Variants in RPSA2 observed in about 807,000 individuals in gnomAD.
RPSA2 encodes small ribosomal subunit protein uS2B.
chr19:23,818,460 C>G, the RPSA2 span: 1 of 152,494 alleles, frequency 6.6e-6, no homozygotes, highest in Admixed American at 6.5e-5. Context: ...TTTTAGACAG[C>G]AATTAGTTAG....
At chr19:23,857,212 T>C in the RPSA2 span, among the ~76,000 whole-genome samples, 61 of 152,152 alleles carry the variant, frequency 4.0e-4, no homozygotes, top group African/African-American at 1.4e-3. Context: ...AAACACACGT[T>C]TTACAATCAA....
At chr19:23,790,055 A>C in the RPSA2 span, among the ~76,000 whole-genome samples, 1 of 152,070 alleles carries the variant, frequency 6.6e-6, no homozygotes, top group Non-Finnish European at 1.5e-5. Flanking sequence ...GCTGGAGTGC[A>C]GTGGCATGAT....
At chr19:23,866,513 G>GGCCCC in the RPSA2 span, among the ~76,000 whole-genome samples, 1 of 142,284 alleles carries the variant, frequency 7.0e-6, no homozygotes, top group African/African-American at 2.6e-5. Flanking sequence ...ACAATGTGGT[G>GGCCCC]CCCCCCCCCG....
the RPSA2 span, chr19:23,832,131 A>G: frequency 2.3e-6 from 1 of 425,886 alleles, no homozygotes; most frequent in Non-Finnish European, 4.7e-6. Context: ...CTGAAGAAAA[A>G]CTTTACAGAT....
At chr19:23,858,436 T>C in the RPSA2 span, among the ~76,000 whole-genome samples, 1 of 152,224 alleles carries the variant, frequency 6.6e-6, no homozygotes, top group African/African-American at 2.4e-5. Context: ...GAGTTTGCTG[T>C]CTTGCTTATT....
chr19:23,854,064 T>C, the RPSA2 span, among the ~76,000 whole-genome samples: 3 of 152,206 alleles, frequency 2.0e-5, no homozygotes, highest in African/African-American at 7.2e-5. Context: ...GGGCCCCGTG[T>C]CTTATCTCCT....
the RPSA2 span, among the ~76,000 whole-genome samples, chr19:23,826,051 C>A: frequency 6.8e-6 from 1 of 146,208 alleles, no homozygotes; most frequent in East Asian, 2.0e-4. Context: ...CAAAATTTAC[C>A]ACAAAATATT....
chr19:23,810,409 AAAAAAAAAAAAGGG>A, the RPSA2 span, among the ~76,000 whole-genome samples: 9 of 5,914 alleles, frequency 1.5e-3, 1 homozygote, highest in South Asian at 0.38. Flanking sequence ...AAAAAAAAAA[AAAAAAAAAAAAGGG>A]AAAAGGGCTT....
the RPSA2 span, among the ~76,000 whole-genome samples, chr19:23,813,232 C>CAAA: frequency 0.84 from 101,330 of 120,912 alleles, 42,550 homozygotes; most frequent in East Asian, 0.97. Context: ...GACCCTGTCT[C>CAAA]AAAAAAAAAA....
At chr19:23,779,987 C>T in the RPSA2 span, among the ~76,000 whole-genome samples, 3 of 152,188 alleles carry the variant, frequency 2.0e-5, no homozygotes, top group Non-Finnish European at 4.4e-5. Context: ...TGACGTCGCT[C>T]TCCTGCGTGA....
At chr19:23,849,122 A>G in the RPSA2 span, among the ~76,000 whole-genome samples, 1 of 152,238 alleles carries the variant, frequency 6.6e-6, no homozygotes, top group East Asian at 1.9e-4. Flanking sequence ...GACAATTAAT[A>G]CATTGGGCAG....
the RPSA2 span, among the ~76,000 whole-genome samples, chr19:23,783,983 C>T: frequency 3.9e-5 from 6 of 152,086 alleles, no homozygotes; most frequent in African/African-American, 1.4e-4. Context: ...TGCATGCTCT[C>T]GGGGAAGATT....
the RPSA2 span, among the ~76,000 whole-genome samples, chr19:23,766,142 C>CTTTTTTTTTTT: frequency 2.2e-3 from 97 of 43,288 alleles, 43 homozygotes; most frequent in African/African-American, 7.1e-3. Flanking sequence ...TATTTCATTT[C>CTTTTTTTTTTT]CTTTTTTTTT....
At chr19:23,758,932 G>T in the RPSA2 span, 1 of 719,282 alleles carries the variant, frequency 1.4e-6, no homozygotes, top group African/African-American at 1.8e-5. Context: ...GTCTGCTCCA[G>T]CTGCATGCCT....
At chr19:23,798,794 G>A in the RPSA2 span, 1 of 152,250 alleles carries the variant, frequency 6.6e-6, no homozygotes, top group East Asian at 1.9e-4. Context: ...TTCACAAATT[G>A]GAATGCTGCT....
At chr19:23,842,445 T>C in the RPSA2 span, 2 of 152,212 alleles carry the variant, frequency 1.3e-5, no homozygotes, top group Admixed American at 6.5e-5. Flanking sequence ...TCCAGTCTCT[T>C]ATGTAAAACA....
At chr19:23,767,626 T>TG in the RPSA2 span, among the ~76,000 whole-genome samples, 2 of 152,000 alleles carry the variant, frequency 1.3e-5, no homozygotes, top group Admixed American at 1.3e-4. Flanking sequence ...ATAGGCAGGA[T>TG]GGGGATGACA....
At chr19:23,784,871 A>G in the RPSA2 span, among the ~76,000 whole-genome samples, 1 of 152,214 alleles carries the variant, frequency 6.6e-6, no homozygotes, top group African/African-American at 2.4e-5. Flanking sequence ...CGGTCTGCAG[A>G]AGAAATTTTG....
At chr19:23,785,457 A>G in the RPSA2 span, among the ~76,000 whole-genome samples, 1 of 152,114 alleles carries the variant, frequency 6.6e-6, no homozygotes. Context: ...CACTCTGCCC[A>G]CAGAAAAATT....
Sources: allele counts gnomAD v4.1 joint callset (sites outside exome capture counted in the v4.1 genomes callset), GRCh38; gene constraint gnomAD v4.1.1; transcripts MANE v1.5; gene names NCBI Gene and HGNC (gene_info 2026-07-23, HGNC 2026-07-21).